Variants in SLC2A12 observed in about 807,000 individuals in gnomAD.
The protein encoded by SLC2A12 is solute carrier family 2 member 12, also known as solute carrier family 2, facilitated glucose transporter member 12.
SLC2A12 carries 23 observed loss-of-function variants against 41.8 expected under a neutral mutation model. The observed-to-expected ratio is 0.55, with a 90% CI of 0.40 to 0.78. The LOEUF is 0.78. Ranked by LOEUF, SLC2A12 falls within the 30% of genes least tolerant of loss-of-function variation. SLC2A12 has a pLI of 0.00. For missense variants in SLC2A12, 654 were observed against 745.6 expected (o/e 0.88, Z 1.43); for synonymous variants, 295 against 285.9 (o/e 1.03, Z -0.32).
intron 1 of SLC2A12, among the ~76,000 whole-genome samples, chr6:134,039,353 C>T (rs1371813881): frequency 6.6e-6 from 1 of 152,196 alleles, no homozygotes; most frequent in Non-Finnish European, 1.5e-5. Context: ...TCTATCTTCA[C>T]CTCAGTTTAT....
intron 4 of SLC2A12, among the ~76,000 whole-genome samples, chr6:134,000,171 T>C (rs902349070): frequency 6.6e-6 from 1 of 152,218 alleles, no homozygotes; most frequent in East Asian, 1.9e-4. Flanking sequence ...TTCATTTTAT[T>C]TTTTTGAAAA....
chr6:134,044,293 C>T lies in SLC2A12; in HGVS notation c.103+8085G>A, dbSNP rs141465707. Among the ~76,000 whole-genome samples, 264 of 152,332 alleles carry T rather than the reference C, an allele frequency of 1.7e-3. 1 individual carries two copies. The highest frequency in any genetic ancestry group is 5.9e-3 in the African/African-American group (245 of 41,576). On this transcript the variant is annotated intron_variant, in intron 1 of 4. Transcript: ENST00000275230. ...GCACCTGCACTGTGAGGATGCCTTT[C>T]GTTTCTCACCAGACTCCAGGGTCTG...
chr6:134,049,146 G>A (rs1773635614), intron 1 of SLC2A12, among the ~76,000 whole-genome samples: 2 of 152,188 alleles, frequency 1.3e-5, no homozygotes, highest in Non-Finnish European at 2.9e-5. Context: ...TTCATCTGCT[G>A]AGCAGAAGCG....
chr6:134,024,843 T>C (rs1353685917), intron 2 of SLC2A12, among the ~76,000 whole-genome samples: 1 of 152,236 alleles, frequency 6.6e-6, no homozygotes. Flanking sequence ...CAACTCCAGC[T>C]ATTAAGTAAG....
rs1196497693 is a variant in SLC2A12 at position 133,987,933 on chromosome 6, G to A, written c.*3222C>T. On this transcript the variant is annotated 3_prime_UTR_variant, in exon 5 of 5. Coordinates refer to ENST00000275230, the MANE Select transcript of SLC2A12 (RefSeq NM_145176.3). ...TGAGAAAGAAGCTGTGATGAATGGT[G>A]CCTCATTTGGACCTTTGTTTTTCTG... 6.6e-6 allele frequency: 1 copy of A among 152,220 alleles called. No homozygotes were observed. The highest frequency in any genetic ancestry group is 1.5e-5 in the Non-Finnish European group (1 of 68,014). The allele number at this position is 152,220 out of a possible 1,614,324, so 9.4% of individuals were successfully genotyped here.
chr6:134,022,589 A>G (rs1777060333), intron 2 of SLC2A12, among the ~76,000 whole-genome samples: 1 of 121,240 alleles, frequency 8.2e-6, no homozygotes, highest in Non-Finnish European at 1.8e-5. Flanking sequence ...AAAAGAAAAG[A>G]AAAGAAAAAT....
rs893182089 is a variant in SLC2A12, at chr6:133,989,098, A to C, written c.*2057T>G. 3 of 152,178 alleles carry C rather than the reference A, an allele frequency of 2.0e-5. No homozygotes were observed. The highest frequency in any genetic ancestry group is 7.2e-5 in the African/African-American group (3 of 41,440). 9.4% of individuals were successfully genotyped at this position (152,178 alleles called of 1,614,324 possible). Reference sequence around the variant, plus strand: ...CAGGGCTGCCGAATGAGCCTCACCTAACAGTGTCCATGGGTAATTCGCTAA... The same window carrying C: ...CAGGGCTGCCGAATGAGCCTCACCTCACAGTGTCCATGGGTAATTCGCTAA... On this transcript the variant is annotated 3_prime_UTR_variant, in exon 5 of 5. Coordinates refer to ENST00000275230, the MANE Select transcript of SLC2A12 (RefSeq NM_145176.3).
chr6:134,032,451 T>A (rs200720158), intron 1 of SLC2A12, among the ~76,000 whole-genome samples: 19 of 34,258 alleles, frequency 5.5e-4, no homozygotes, highest in African/African-American at 2.0e-3. Context: ...TATATATAAA[T>A]ATATATATAT....
chr6:134,040,059 T>G (rs78078029), intron 1 of SLC2A12, among the ~76,000 whole-genome samples: 1,081 of 26,840 alleles, frequency 0.04, 9 homozygotes, highest in African/African-American at 0.16. Flanking sequence ...TTGTTTTTTG[T>G]TTTTTTTTTT....
intron 1 of SLC2A12, among the ~76,000 whole-genome samples, chr6:134,038,539 T>C (rs766667822): frequency 2.0e-5 from 3 of 151,056 alleles, no homozygotes; most frequent in Non-Finnish European, 4.4e-5. Flanking sequence ...TTTGTATTTT[T>C]AGTAGAGACA....
At chr6:134,042,860 G>T (rs1777401404) in intron 1 of SLC2A12, among the ~76,000 whole-genome samples, 1 of 152,018 alleles carries the variant, frequency 6.6e-6, no homozygotes, top group South Asian at 2.1e-4. Flanking sequence ...CCAGCTACTT[G>T]GGTGGCTGAG....
chr6:134,015,891 A>G (rs1456754663), intron 2 of SLC2A12, among the ~76,000 whole-genome samples: 1 of 152,228 alleles, frequency 6.6e-6, no homozygotes, highest in Non-Finnish European at 1.5e-5. Flanking sequence ...TTTACGGCAG[A>G]TGACTCATGC....
At chr6:134,007,213 A>G (rs1776826567) in intron 2 of SLC2A12, among the ~76,000 whole-genome samples, 1 of 152,244 alleles carries the variant, frequency 6.6e-6, no homozygotes, top group Non-Finnish European at 1.5e-5. Context: ...CACAGGCCCA[A>G]GAAATGCAAA....
intron 2 of SLC2A12, among the ~76,000 whole-genome samples, chr6:134,022,947 T>A (rs1777064759): frequency 6.6e-6 from 1 of 152,214 alleles, no homozygotes; most frequent in Non-Finnish European, 1.5e-5. Context: ...AGTTAGTCTG[T>A]CTCAACCAAC....
At chr6:134,038,504 G>A (rs1482156492) in intron 1 of SLC2A12, among the ~76,000 whole-genome samples, 1 of 150,336 alleles carries the variant, frequency 6.7e-6, no homozygotes, top group Non-Finnish European at 1.5e-5. Context: ...TGGGATTACA[G>A]GTGTGGGCCA....
At chr6:134,036,382 T>C (rs1777300468) in intron 1 of SLC2A12, among the ~76,000 whole-genome samples, 1 of 152,210 alleles carries the variant, frequency 6.6e-6, no homozygotes, top group South Asian at 2.1e-4. Context: ...AATAGTCATC[T>C]CTACTACCAC....
chr6:134,014,340 C>T (rs1016590649), intron 2 of SLC2A12, among the ~76,000 whole-genome samples: 8 of 152,164 alleles, frequency 5.3e-5, no homozygotes, highest in Admixed American at 1.3e-4. Context: ...AGCCGGGTTC[C>T]TAACAGGCCA....
intron 3 of SLC2A12, among the ~76,000 whole-genome samples, chr6:134,004,789 G>A (rs974322257): frequency 7.9e-5 from 12 of 152,204 alleles, no homozygotes; most frequent in Non-Finnish European, 1.5e-4. Flanking sequence ...AATAGCTAAT[G>A]AGAAGAAATT....
intron 2 of SLC2A12, among the ~76,000 whole-genome samples, chr6:134,013,243 C>A (rs1358990750): frequency 1.3e-5 from 2 of 151,942 alleles, no homozygotes; most frequent in Non-Finnish European, 2.9e-5. Flanking sequence ...GTGGAGGTTG[C>A]ATCATTGCAC....
Sources: allele counts gnomAD v4.1 joint callset (sites outside exome capture counted in the v4.1 genomes callset), GRCh38; gene constraint gnomAD v4.1.1; transcripts MANE v1.5; gene names NCBI Gene and HGNC (gene_info 2026-07-23, HGNC 2026-07-21).